Variants in CCDC3 observed in about 807,000 individuals in gnomAD.
The protein encoded by CCDC3 is coiled-coil domain-containing protein 3.
In CCDC3, 24 loss-of-function variants were observed where a neutral mutation model predicts 21.4. The observed-to-expected ratio is 1.12, with a 90% confidence interval of 0.81 to 1.58. The LOEUF is 1.58. Ranked by LOEUF, CCDC3 falls within the 40% of genes most tolerant of loss-of-function variation. CCDC3 has a pLI of 0.00. For missense variants in CCDC3, 425 were observed against 360.9 expected, an observed-to-expected ratio of 1.18 and a Z score of -1.44; for synonymous variants, 186 against 166.0, an observed-to-expected ratio of 1.12 and a Z score of -0.93.
intron 2 of CCDC3, among the ~76,000 whole-genome samples, chr10:12,965,272 G>C (rs1304188789): frequency 1.3e-5 from 2 of 151,992 alleles, no homozygotes; most frequent in Non-Finnish European, 2.9e-5. Flanking sequence ...ATGTCCCTGT[G>C]CACTTAATAA....
At chr10:13,074,153 A>ATATTTTTTTTTTT (rs1365749317) in intron 3 of CCDC3, 1 of 64,306 alleles carries the variant, frequency 1.6e-5, no homozygotes, top group East Asian at 5.7e-4. Flanking sequence ...ATATATATAT[A>ATATTTTTTTTTTT]TTTTTTTTTT....
intron 2 of CCDC3, among the ~76,000 whole-genome samples, chr10:12,900,152 A>T (rs976503640): frequency 9.2e-5 from 14 of 152,202 alleles, no homozygotes; most frequent in African/African-American, 3.4e-4. Flanking sequence ...TGGAATTGTG[A>T]GTCCATTAAA....
chr10:13,058,604 CTCG>C, intron 4 of CCDC3: 1 of 628,312 alleles, frequency 1.6e-6, no homozygotes, highest in Non-Finnish European at 2.9e-6. Flanking sequence ...GTTTTACCCT[CTCG>C]TCGTCTTCTA....
chr10:12,904,222 T>A (rs1485760151), intron 2 of CCDC3, among the ~76,000 whole-genome samples: 2 of 151,908 alleles, frequency 1.3e-5, no homozygotes, highest in Non-Finnish European at 2.9e-5. Flanking sequence ...ATCCCAGCAC[T>A]TTGCGAGGCT....
chr10:13,071,747 G>A (rs1235129759), intron 4 of CCDC3, among the ~76,000 whole-genome samples: 2 of 152,192 alleles, frequency 1.3e-5, no homozygotes, highest in African/African-American at 4.8e-5. Flanking sequence ...AAAGGAACCA[G>A]GGATGCCTGC....
chr10:13,073,335 T>C (rs1348765163), intron 4 of CCDC3, among the ~76,000 whole-genome samples: 2 of 151,700 alleles, frequency 1.3e-5, no homozygotes, highest in Non-Finnish European at 2.9e-5. Context: ...TCTTGGAATG[T>C]CTCAGGACAG....
chr10:12,914,807 A>C (rs538250759), intron 2 of CCDC3, among the ~76,000 whole-genome samples: 48 of 152,184 alleles, frequency 3.2e-4, no homozygotes, highest in African/African-American at 1.2e-3. Context: ...TTTTCAAAAA[A>C]CCAACTCTTT....
intron 5 of CCDC3, among the ~76,000 whole-genome samples, chr10:13,017,656 T>C (rs1017942497): frequency 2.6e-5 from 4 of 152,092 alleles, no homozygotes; most frequent in Non-Finnish European, 4.4e-5. Flanking sequence ...AGCCTGAGCA[T>C]TTGACAATAT....
In CCDC3 at chr10:13,094,812, C is replaced by A. The variant is rs1456407608; in HGVS notation, c.-503+3713G>T. The stretch of plus-strand genomic sequence containing the variant: ...CCAGGAGTTCGAGGCTGCAGTGAGC[C>A]ACGACTATGCCACTGCACTCCAGCC... On this transcript the variant is annotated intron_variant, in intron 3 of 6. Coordinates refer to the CCDC3 transcript ENST00000378839. Among the ~76,000 whole-genome samples the A allele has an allele frequency of 1.3e-5, 2 of 151,966 alleles. 1 individual carries two copies. Among genetic ancestry groups the A allele is most frequent in the African/African-American group, 4.8e-5 (2 of 41,394 alleles).
At chr10:12,967,721 A>C (rs997999249) in intron 2 of CCDC3, among the ~76,000 whole-genome samples, 1 of 152,212 alleles carries the variant, frequency 6.6e-6, no homozygotes, top group Non-Finnish European at 1.5e-5. Context: ...AGGGAAAAAA[A>C]CATAGGGGCA....
chr10:13,055,849 C>A (rs778938339), intron 4 of CCDC3, among the ~76,000 whole-genome samples: 4 of 152,220 alleles, frequency 2.6e-5, no homozygotes, highest in Non-Finnish European at 5.9e-5. Flanking sequence ...TCCTTGCTAG[C>A]TGCCTGCCTT....
chr10:12,948,818 A>G (rs376661230), intron 2 of CCDC3, among the ~76,000 whole-genome samples: 16 of 127,852 alleles, frequency 1.3e-4, no homozygotes, highest in African/African-American at 4.0e-4. Context: ...TGCAAGCTCC[A>G]CCTCCCGGGT....
chr10:13,080,096 C>G (rs749772757), intron 3 of CCDC3, among the ~76,000 whole-genome samples: 5 of 152,222 alleles, frequency 3.3e-5, no homozygotes, highest in African/African-American at 4.8e-5. Flanking sequence ...TCTGCCGAGC[C>G]TCTGGGCCGA....
At chr10:13,022,520 C>A (rs1047845363) in intron 5 of CCDC3, among the ~76,000 whole-genome samples, 1 of 152,140 alleles carries the variant, frequency 6.6e-6, no homozygotes, top group African/African-American at 2.4e-5. Flanking sequence ...TAGGTTGGTG[C>A]AAAAATAATT....
At chr10:13,016,334 G>GAAAAAAA (rs72075391) in intron 5 of CCDC3, among the ~76,000 whole-genome samples, 2 of 78,370 alleles carry the variant, frequency 2.6e-5, no homozygotes, top group Non-Finnish European at 2.5e-5. Context: ...TTGGTAAAGC[G>GAAAAAAA]AAAAAAAAAA....
At chr10:13,005,566 T>A (rs1054219814), upstream of CCDC3, among the ~76,000 whole-genome samples, 7 of 152,214 alleles carry the variant, frequency 4.6e-5, no homozygotes, top group Middle Eastern at 6.3e-3. Flanking sequence ...GCAAGGGAGA[T>A]GCTATTTTTC....
At chr10:13,040,337 GGCTGTGAC>G (rs1836435859) in intron 5 of CCDC3, among the ~76,000 whole-genome samples, 3 of 152,166 alleles carry the variant, frequency 2.0e-5, no homozygotes, top group Non-Finnish European at 4.4e-5. Flanking sequence ...GCCCAAGATA[GGCTGTGAC>G]AAAAGGAAGT....
At chr10:12,916,860 G>A (rs959557689) in intron 2 of CCDC3, among the ~76,000 whole-genome samples, 9 of 152,234 alleles carry the variant, frequency 5.9e-5, no homozygotes, top group Admixed American at 3.9e-4. Flanking sequence ...TGGATCTGAA[G>A]CCTGGAGCTA....
At chr10:12,934,985 C>T (rs963507980) in intron 2 of CCDC3, among the ~76,000 whole-genome samples, 1 of 151,896 alleles carries the variant, frequency 6.6e-6, no homozygotes, top group South Asian at 2.1e-4. Flanking sequence ...ACTCACTGTA[C>T]CATTACGTAA....
Sources: allele counts gnomAD v4.1 joint callset (sites outside exome capture counted in the v4.1 genomes callset), GRCh38; gene constraint gnomAD v4.1.1; transcripts MANE v1.5; gene names NCBI Gene and HGNC (gene_info 2026-07-23, HGNC 2026-07-21).